PACSIN1: variants seen among roughly 807,000 people sequenced by gnomAD.
PACSIN1 encodes protein kinase C and casein kinase substrate in neurons 1.
PACSIN1 carries 15 observed loss-of-function variants against 59.5 expected under a neutral mutation model. The observed-to-expected ratio is 0.25, with a 90% CI of 0.17 to 0.39. The LOEUF (loss-of-function observed/expected upper bound fraction) is 0.39, where lower values mean the gene tolerates loss of function less well. Ranked by LOEUF, PACSIN1 falls within the 10% of genes least tolerant of loss-of-function variation. The pLI, the probability that PACSIN1 is intolerant of heterozygous loss-of-function variation, is 1.00. For missense variants in PACSIN1, 420 were observed against 580.2 expected, an observed-to-expected ratio of 0.72 and a Z score of 2.84; for synonymous variants, 210 against 220.6, an observed-to-expected ratio of 0.95 and a Z score of 0.42.
chr6:34,528,337 C>G lies in PACSIN1; in HGVS notation c.221-305C>G, dbSNP rs368273334. ...GAGCTCACAGGGTCCAGGCTGCCCC[C>G]CTCCGACCCCATTCCATGGGGCTCA... On this transcript the variant is annotated intron_variant, in intron 3 of 9. Transcript: ENST00000244458. Among the ~76,000 whole-genome samples, 12 of 152,340 alleles carry G rather than the reference C, an allele frequency of 7.9e-5. No homozygotes were observed. The East Asian group carries it at 2.3e-3, about 29-fold the overall frequency.
chr6:34,473,387 T>C (rs1043945964), intron 1 of PACSIN1, among the ~76,000 whole-genome samples: 1 of 152,202 alleles, frequency 6.6e-6, no homozygotes, highest in African/African-American at 2.4e-5. Context: ...GGATTGCTGC[T>C]GCAGGGCACT....
chr6:34,518,594 T>C lies in PACSIN1; in HGVS notation c.-63-7649T>C, dbSNP rs1767333135. On this transcript the variant is annotated intron_variant, in intron 1 of 9. Transcript: ENST00000244458. This position sits in a 1 kb window ranked among gnomAD's most constrained non-coding sequence, Gnocchi z 4.4. ...CACAGGGAGACAAAAAAGGGTGCTT[T>C]ACCAAGCAAGTTACCACTGCGGGCA... Among the ~76,000 whole-genome samples the C allele has an allele frequency of 6.6e-6, 1 of 152,176 alleles. No homozygotes were observed. The highest frequency in any genetic ancestry group is 6.5e-5 in the Admixed American group (1 of 15,278).
chr6:34,466,977 G>A (rs968865350), intron 1 of PACSIN1, among the ~76,000 whole-genome samples: 7 of 152,092 alleles, frequency 4.6e-5, no homozygotes, highest in African/African-American at 1.7e-4. Flanking sequence ...GGCAAACCCG[G>A]GAGCTTGGCC....
chr6:34,497,977 C>A (rs913383303), intron 1 of PACSIN1, among the ~76,000 whole-genome samples: 1 of 152,146 alleles, frequency 6.6e-6, no homozygotes, highest in African/African-American at 2.4e-5. Context: ...ACCTGGAGAA[C>A]CTTGAGTTCT....
At chr6:34,484,497 G>A (rs1766764059) in intron 1 of PACSIN1, among the ~76,000 whole-genome samples, 1 of 152,116 alleles carries the variant, frequency 6.6e-6, no homozygotes, top group African/African-American at 2.4e-5. Flanking sequence ...TTTAGGGCAG[G>A]CAACTTTTCT....
At chr6:34,522,513 C>T (rs1247260053) in intron 1 of PACSIN1, among the ~76,000 whole-genome samples, 2 of 152,110 alleles carry the variant, frequency 1.3e-5, no homozygotes, top group African/African-American at 4.8e-5. Context: ...GTATTAGGCT[C>T]CCCAGAGAGA....
At position 34,525,188 on chromosome 6, in the gene PACSIN1, A is replaced by G. The variant is rs1767461523; in HGVS notation, c.-63-1055A>G. Among the ~76,000 whole-genome samples the G allele has an allele frequency of 6.6e-6, 1 of 152,216 alleles. No individual in the cohort carries two copies. Among genetic ancestry groups the G allele is most frequent in the Admixed American group, 6.5e-5 (1 of 15,286 alleles). On this transcript the variant is annotated intron_variant, in intron 1 of 9. Coordinates refer to ENST00000244458, the MANE Select transcript of PACSIN1 (RefSeq NM_020804.5). This position sits in a 1 kb window ranked among gnomAD's most constrained non-coding sequence, Gnocchi z 4.9. ...ACCCACCCGCACTGTGCGTGAGTTT[A>G]TGGGAAAGTCTGTCTGTGGTTCTTC...
intron 1 of PACSIN1, among the ~76,000 whole-genome samples, chr6:34,511,407 G>A (rs1767201237): frequency 6.6e-6 from 1 of 152,196 alleles, no homozygotes. Flanking sequence ...CTGGGCCTTG[G>A]ATAGCGAGGC....
At chr6:34,466,507 GAGC>G (rs1766498906) in intron 1 of PACSIN1, among the ~76,000 whole-genome samples, 1 of 152,196 alleles carries the variant, frequency 6.6e-6, no homozygotes, top group African/African-American at 2.4e-5. Context: ...TCCCTTGGGG[GAGC>G]GAGCTGGCAT....
At chr6:34,481,630 A>G (rs1019002915) in intron 1 of PACSIN1, among the ~76,000 whole-genome samples, 21 of 151,684 alleles carry the variant, frequency 1.4e-4, no homozygotes, top group African/African-American at 5.1e-4. Flanking sequence ...AGATCGTGCC[A>G]CTGCACTCCA....
chr6:34,514,332 T>C lies in PACSIN1; in HGVS notation c.-63-11911T>C, dbSNP rs541989111. 5.9e-5 allele frequency among the ~76,000 whole-genome samples: 9 copies of C among 152,184 alleles called. No individual in the cohort carries two copies. The South Asian group carries it at 1.9e-3, about 32-fold the overall frequency. On this transcript the variant is annotated intron_variant, in intron 1 of 9. Transcript: ENST00000244458. This position sits in a 1 kb window ranked among gnomAD's most constrained non-coding sequence, Gnocchi z 4.4. ...GGACTCTCCAATTCTTTTACAGCTG[T>C]GGCCCTCAGCTTCCAATCTGTCAAA... is the stretch of plus-strand genomic sequence containing the variant.
At chr6:34,476,020 A>G (rs1482957435) in intron 1 of PACSIN1, among the ~76,000 whole-genome samples, 1 of 152,166 alleles carries the variant, frequency 6.6e-6, no homozygotes, top group Non-Finnish European at 1.5e-5. Flanking sequence ...TGAATGTTAA[A>G]TGAATATGTA....
rs368149319 is a variant in PACSIN1 at position 34,504,290 on chromosome 6, ATTTTTTTTT to A, written c.-63-21942_-63-21934del. 9.9e-4 allele frequency among the ~76,000 whole-genome samples: 93 copies of A among 94,054 alleles called. 1 individual carries two copies. Among genetic ancestry groups the A allele is most frequent in the African/African-American group, 3.2e-3 (72 of 22,480 alleles). 61.7% of individuals were successfully genotyped at this position (94,054 alleles called of 152,430 possible). On this transcript the variant is annotated intron_variant, in intron 1 of 9. Transcript: ENST00000244458. ...TGTGTGTATATATATATATATATAT[ATTTTTTTTT>A]TTTTTTTTTTAAACGGAGTTTTGCT... is the stretch of plus-strand genomic sequence containing the variant.
rs1347911857 is a variant in PACSIN1, at chr6:34,532,773, C to G, written c.*243C>G. 1 of 459,906 alleles carries G rather than the reference C, an allele frequency of 2.2e-6. No homozygotes were observed. The highest frequency in any genetic ancestry group is 3.9e-6 in the Non-Finnish European group (1 of 258,190). 28.5% of individuals were successfully genotyped at this position (459,906 alleles called of 1,614,324 possible). Reference sequence around the variant, plus strand: ...TAGGTAACAGTCTTAGGACTTAGCCCAACATCACAACATCTGCTCTTCGGG... The same window carrying G: ...TAGGTAACAGTCTTAGGACTTAGCCGAACATCACAACATCTGCTCTTCGGG... On this transcript the variant is annotated 3_prime_UTR_variant, in exon 10 of 10. Coordinates refer to ENST00000244458, the MANE Select transcript of PACSIN1 (RefSeq NM_020804.5). This position sits in a 1 kb window ranked among gnomAD's most constrained non-coding sequence, Gnocchi z 5.2.
intron 1 of PACSIN1, among the ~76,000 whole-genome samples, chr6:34,522,743 A>G (rs1180323320): frequency 6.6e-6 from 1 of 152,180 alleles, no homozygotes; most frequent in Non-Finnish European, 1.5e-5. Flanking sequence ...GCCATGGGGT[A>G]ACTCTCAATC....
intron 1 of PACSIN1, among the ~76,000 whole-genome samples, chr6:34,468,427 ATCAT>A (rs1194183698): frequency 5.3e-5 from 8 of 152,168 alleles, no homozygotes; most frequent in African/African-American, 1.9e-4. Flanking sequence ...CAGTCATTCA[ATCAT>A]TCATTCATTC....
chr6:34,490,939 C>T (rs1766867287), intron 1 of PACSIN1, among the ~76,000 whole-genome samples: 1 of 152,176 alleles, frequency 6.6e-6, no homozygotes, highest in Non-Finnish European at 1.5e-5. Flanking sequence ...TTTTATCCCA[C>T]TTGATGTCCC....
intron 1 of PACSIN1, among the ~76,000 whole-genome samples, chr6:34,499,478 A>T (rs1370426785): frequency 6.6e-6 from 1 of 151,650 alleles, no homozygotes; most frequent in East Asian, 1.9e-4. Flanking sequence ...TAAGAACTAA[A>T]TTTTTTAAAT....
At chr6:34,508,109 G>GTTTGTTTGT (rs1203156670) in intron 1 of PACSIN1, among the ~76,000 whole-genome samples, 2 of 152,000 alleles carry the variant, frequency 1.3e-5, no homozygotes, top group Non-Finnish European at 2.9e-5. Context: ...TTTTTTGTTT[G>GTTTGTTTGT]TTTGTTTGTT....
Sources: allele counts gnomAD v4.1 joint callset (sites outside exome capture counted in the v4.1 genomes callset), GRCh38; gene constraint gnomAD v4.1.1; non-coding constraint Gnocchi (gnomAD v3.1); transcripts MANE v1.5; gene names NCBI Gene and HGNC (gene_info 2026-07-23, HGNC 2026-07-21).